Variants in ADAMTS6 observed in about 807,000 individuals in gnomAD.
ADAMTS6 encodes the protein A disintegrin and metalloproteinase with thrombospondin motifs 6.
In ADAMTS6, 23 loss-of-function variants were observed where a neutral mutation model predicts 144.3. The ratio of observed to expected loss-of-function variants is 0.16; its 90% confidence interval spans 0.11 to 0.23. ADAMTS6 has a LOEUF of 0.23. Ranked by LOEUF, ADAMTS6 falls within the 10% of genes least tolerant of loss-of-function variation. The pLI, the probability that ADAMTS6 is intolerant of heterozygous loss-of-function variation, is 1.00. For synonymous variants in ADAMTS6, 444 were observed against 457.5 expected (o/e 0.97, Z 0.38); for missense variants, 999 against 1,379.6 (o/e 0.72, Z 4.37).
At chr5:65,219,584 ATTT>A (rs1018405571) in intron 18 of ADAMTS6, among the ~76,000 whole-genome samples, 1 of 152,170 alleles carries the variant, frequency 6.6e-6, no homozygotes, top group Non-Finnish European at 1.5e-5. Flanking sequence ...ATCAAAGAAT[ATTT>A]TTAAGAGATG....
At chr5:65,382,123 G>T (rs1165468487) in intron 7 of ADAMTS6, among the ~76,000 whole-genome samples, 1 of 152,068 alleles carries the variant, frequency 6.6e-6, no homozygotes, top group Non-Finnish European at 1.5e-5. Context: ...GAAAAAGCTG[G>T]GAGCACAAGA....
In ADAMTS6 at chr5:65,273,417, T is replaced by C. The variant is rs1561360898; in HGVS notation, c.1543A>G (p.Lys515Glu). ...CTGTTGGTGACACAGCGGTTGCTTT[T>C]GCTGAGACACCAGAGCTCTCTACAC... ...EVCRELWCLSKSNRCVTNSIP... is the reference protein window; with the variant it reads ...EVCRELWCLSESNRCVTNSIP... The change falls in exon 12 of 25, where the codon AAA becomes GAA. Residue 515 changes from lysine to glutamate, a missense_variant. By Grantham distance (56) the Lys-to-Glu change is moderately conservative (BLOSUM62 1). Transcript: ENST00000381055. 6.2e-7 allele frequency: 1 copy of C among 1,613,946 alleles called. No individual in the cohort carries two copies. Among genetic ancestry groups the C allele is most frequent in the Non-Finnish European group, 8.5e-7 (1 of 1,179,870 alleles).
intron 7 of ADAMTS6, among the ~76,000 whole-genome samples, chr5:65,407,855 A>G (rs1754687727): frequency 6.6e-6 from 1 of 152,196 alleles, no homozygotes; most frequent in Non-Finnish European, 1.5e-5. Flanking sequence ...ACATTATTAA[A>G]GAAAAGAATT....
chr5:65,232,719 CAAATA>C (rs1235018461), intron 15 of ADAMTS6, among the ~76,000 whole-genome samples: 20 of 150,028 alleles, frequency 1.3e-4, no homozygotes, highest in African/African-American at 4.9e-4. Context: ...AACCTCTCAT[CAAATA>C]AAAGTGCGAT....
At chr5:65,200,036 T>C (rs765712459) in intron 20 of ADAMTS6, among the ~76,000 whole-genome samples, 2 of 152,210 alleles carry the variant, frequency 1.3e-5, no homozygotes, top group African/African-American at 2.4e-5. Flanking sequence ...TTGTCTTTTA[T>C]TAATTTTCTT....
chr5:65,384,294 T>C (rs1752303746), intron 7 of ADAMTS6, among the ~76,000 whole-genome samples: 1 of 152,186 alleles, frequency 6.6e-6, no homozygotes. Context: ...ATAAATTCCA[T>C]CTTTAATTCA....
chr5:65,449,564 T>C (rs1010783191), intron 7 of ADAMTS6, among the ~76,000 whole-genome samples: 1 of 151,924 alleles, frequency 6.6e-6, no homozygotes, highest in African/African-American at 2.4e-5. Context: ...GAGGTTGCAG[T>C]GAGCCGAGAT....
rs1744670125 is a variant in ADAMTS6, at chr5:65,313,172, C to CACAA, written c.1224-13042_1224-13041insTTGT. Among the ~76,000 whole-genome samples the CACAA allele has an allele frequency of 1.2e-4, 17 of 144,746 alleles. No individual in the cohort carries two copies. In the South Asian group the frequency reaches 3.6e-3, roughly 31 times the overall value. The allele number at this position is 144,746 out of a possible 152,430, so 95.0% of individuals were successfully genotyped here. ...ACACACACACACACACACACACACA[C>CACAA]ACACACAGAGTTTATTCTGAAATTC... On this transcript the variant is annotated intron_variant, in intron 9 of 24. Transcript: ENST00000381055.
intron 4 of ADAMTS6, 105 bp downstream of exon 4, chr5:65,460,065 C>T (rs1759528914): frequency 7.8e-7 from 1 of 1,281,642 alleles, no homozygotes; most frequent in Non-Finnish European, 1.0e-6. Context: ...TAATTGTAGT[C>T]AAACTCCTAC....
At chr5:65,422,004 T>C (rs1756085620) in intron 7 of ADAMTS6, among the ~76,000 whole-genome samples, 1 of 152,100 alleles carries the variant, frequency 6.6e-6, no homozygotes, top group South Asian at 2.1e-4. Flanking sequence ...GAAGCAATTA[T>C]CAGAGCAAAC....
intron 3 of ADAMTS6, among the ~76,000 whole-genome samples, chr5:65,462,009 C>A (rs906021946): frequency 7.4e-4 from 113 of 152,196 alleles, no homozygotes; most frequent in African/African-American, 2.6e-3. Flanking sequence ...ATGAAATGAG[C>A]TGAGGAATGC....
intron 14 of ADAMTS6, among the ~76,000 whole-genome samples, chr5:65,242,765 TA>T (rs1298495340): frequency 2.0e-5 from 3 of 152,132 alleles, no homozygotes; most frequent in African/African-American, 2.4e-5. Flanking sequence ...ATCTTGAAAT[TA>T]AAGGGATTTG....
chr5:65,471,181 C>T (rs760030297), intron 2 of ADAMTS6, 39 bp from the exon 3 acceptor site: 3 of 1,545,784 alleles, frequency 1.9e-6, no homozygotes, highest in Non-Finnish European at 2.6e-6. Flanking sequence ...AAAAAAAACA[C>T]ATGGAAGAAA....
intron 7 of ADAMTS6, among the ~76,000 whole-genome samples, chr5:65,348,004 A>G (rs1290375154): frequency 1.3e-5 from 2 of 152,192 alleles, no homozygotes; most frequent in Non-Finnish European, 2.9e-5. Context: ...AATGACTATC[A>G]TCAAAAAGAC....
At chr5:65,328,764 A>AT (rs1746422742) in intron 9 of ADAMTS6, among the ~76,000 whole-genome samples, 1 of 129,338 alleles carries the variant, frequency 7.7e-6, no homozygotes, top group Non-Finnish European at 1.5e-5. Flanking sequence ...TAAAAATGGT[A>AT]TTTTTTGCAT....
intron 22 of ADAMTS6, among the ~76,000 whole-genome samples, chr5:65,184,083 G>T (rs1053250972): frequency 1.3e-5 from 2 of 151,968 alleles, no homozygotes; most frequent in Non-Finnish European, 2.9e-5. Flanking sequence ...CATATAATTA[G>T]AATCTCATGA....
intron 13 of ADAMTS6, among the ~76,000 whole-genome samples, chr5:65,261,383 A>AT (rs1391252775): frequency 2.0e-5 from 3 of 152,224 alleles, no homozygotes; most frequent in South Asian, 2.1e-4. Context: ...CCATTGAGTG[A>AT]TAAAAACAAC....
intron 2 of ADAMTS6, among the ~76,000 whole-genome samples, chr5:65,472,354 T>C (rs1760519241): frequency 6.6e-6 from 1 of 152,058 alleles, no homozygotes. Flanking sequence ...TGTTCTAAAA[T>C]TGATTATGTT....
Position 65,471,870 on chromosome 5 carries a change from T to A in ADAMTS6, c.98-728A>T, listed in dbSNP as rs771022278. Among the ~76,000 whole-genome samples, 3 of 151,900 alleles carry A rather than the reference T, an allele frequency of 2.0e-5. No homozygotes were observed. In the East Asian group the frequency reaches 5.8e-4, roughly 29 times the overall value. On this transcript the variant is annotated intron_variant, in intron 2 of 24. Coordinates refer to ENST00000381055, the MANE Select transcript of ADAMTS6 (RefSeq NM_197941.4). Reference sequence around the variant, plus strand: ...ATTCCTCAAAATTTTAAACATGGAGTTAACCATATGATCCAGCAATCCTAC... The same window carrying A: ...ATTCCTCAAAATTTTAAACATGGAGATAACCATATGATCCAGCAATCCTAC...
Sources: gnomAD v4.1 joint callset for allele counts (sites outside exome capture counted in the v4.1 genomes callset) on GRCh38, gnomAD v4.1.1 for gene constraint, MANE v1.5 for transcripts, NCBI Gene and HGNC (gene_info 2026-07-23, HGNC 2026-07-21) for gene names.